Variants in TANGO6 observed in about 807,000 individuals in gnomAD.
The protein encoded by TANGO6 is transport and Golgi organization protein 6 homolog.
TANGO6 carries 90 observed loss-of-function variants against 114.2 expected under a neutral mutation model. The ratio of observed to expected loss-of-function variants is 0.79; its 90% CI spans 0.66 to 0.94. TANGO6 has a LOEUF of 0.94. Ranked by LOEUF, TANGO6 falls within the 40% of genes least tolerant of loss-of-function variation. The pLI is 0.00. For synonymous variants in TANGO6, 477 were observed against 509.8 expected (o/e 0.94, Z 0.87); for missense variants, 1,274 against 1,315.3 (o/e 0.97, Z 0.49).
chr16:69,056,997 CTTTTTTTTTTTTTTTTTTT>C (rs71148961), intron 17 of TANGO6, among the ~76,000 whole-genome samples: 1 of 59,822 alleles, frequency 1.7e-5, no homozygotes, highest in South Asian at 7.3e-4. Flanking sequence ...GCCTGATTTT[CTTTTTTTTTTTTTTTTTTT>C]TTTTTTTTTT....
At position 68,863,064 on chromosome 16, in the gene TANGO6, A is replaced by T. The variant is rs371954227; in HGVS notation, c.852+3A>T. ...TCCTCCAGGGAGGACCACCCCAGGT[A>T]CTCAGGCCTAGGGACTCTTGGGGGT... On this transcript the variant is annotated splice_donor_region_variant and intron_variant, in intron 3 of 17. Transcript: ENST00000261778. 5 of 1,537,526 alleles carry T rather than the reference A, an allele frequency of 3.3e-6. No homozygotes were observed. The highest frequency in any genetic ancestry group is 1.4e-5 in the African/African-American group (1 of 72,936).
At chr16:68,882,421 T>A (rs867041351) in intron 7 of TANGO6, among the ~76,000 whole-genome samples, 1 of 150,956 alleles carries the variant, frequency 6.6e-6, no homozygotes, top group Non-Finnish European at 1.5e-5. Context: ...GGCGTGAACC[T>A]GGAAGGCAGA....
At chr16:69,062,948 C>G (rs185803913) in intron 17 of TANGO6, among the ~76,000 whole-genome samples, 67 of 151,806 alleles carry the variant, frequency 4.4e-4, no homozygotes, top group Non-Finnish European at 7.1e-4. Context: ...AAAAACTTGG[C>G]TGGGCGCAGT....
intron 17 of TANGO6, among the ~76,000 whole-genome samples, chr16:69,078,991 G>A (rs920812997): frequency 5.3e-5 from 8 of 150,120 alleles, no homozygotes; most frequent in East Asian, 4.1e-4. Flanking sequence ...TGATCTGCCC[G>A]TCTCGGCTAC....
chr16:68,882,307 T>G (rs1325363102), intron 7 of TANGO6, among the ~76,000 whole-genome samples: 2 of 151,790 alleles, frequency 1.3e-5, no homozygotes, highest in Non-Finnish European at 2.9e-5. Context: ...CCATCCTGGC[T>G]AACATGGTGA....
At chr16:68,930,912 C>G (rs1963231093) in intron 14 of TANGO6, among the ~76,000 whole-genome samples, 1 of 152,226 alleles carries the variant, frequency 6.6e-6, no homozygotes, top group Non-Finnish European at 1.5e-5. Flanking sequence ...GCTGGGATTA[C>G]AGGCGTGAGC....
chr16:69,026,754 A>C (rs1959508418), intron 16 of TANGO6: 2 of 153,046 alleles, frequency 1.3e-5, no homozygotes, highest in African/African-American at 4.8e-5. Flanking sequence ...TCTGTCACCT[A>C]GGCTGGAGTG....
intron 15 of TANGO6, among the ~76,000 whole-genome samples, chr16:69,013,348 C>T (rs1959229009): frequency 6.6e-6 from 1 of 152,086 alleles, no homozygotes; most frequent in Non-Finnish European, 1.5e-5. Flanking sequence ...CAGTGGCTCA[C>T]ACCTGTAATC....
intron 14 of TANGO6, among the ~76,000 whole-genome samples, chr16:68,945,959 A>G (rs1028226491): frequency 1.3e-5 from 2 of 152,196 alleles, no homozygotes; most frequent in Non-Finnish European, 2.9e-5. Context: ...TGCTAGGATT[A>G]TAGGCGTGAG....
intron 7 of TANGO6, among the ~76,000 whole-genome samples, chr16:68,881,153 C>G (rs1962456494): frequency 6.6e-6 from 1 of 152,192 alleles, no homozygotes; most frequent in African/African-American, 2.4e-5. Context: ...ATCATTTATT[C>G]TAAATGTTGA....
At chr16:68,890,731 A>G (rs1199992343) in intron 7 of TANGO6, among the ~76,000 whole-genome samples, 1 of 151,852 alleles carries the variant, frequency 6.6e-6, no homozygotes, top group East Asian at 1.9e-4. Flanking sequence ...CTAAAAATGC[A>G]AAAATTAGGC....
At chr16:68,890,736 T>C (rs1962601447) in intron 7 of TANGO6, among the ~76,000 whole-genome samples, 1 of 151,242 alleles carries the variant, frequency 6.6e-6, no homozygotes, top group Non-Finnish European at 1.5e-5. Flanking sequence ...AATGCAAAAA[T>C]TAGGCCAGGC....
intron 9 of TANGO6, among the ~76,000 whole-genome samples, chr16:68,903,800 T>C (rs568885386): frequency 6.6e-6 from 1 of 151,740 alleles, no homozygotes; most frequent in Non-Finnish European, 1.5e-5. Context: ...CTGGCGCCTG[T>C]AGTCACAGCT....
At chr16:68,884,807 A>G (rs964467578) in intron 7 of TANGO6, among the ~76,000 whole-genome samples, 6 of 152,188 alleles carry the variant, frequency 3.9e-5, no homozygotes, top group African/African-American at 1.4e-4. Flanking sequence ...CATTTCTCCT[A>G]TTCTTGGTCC....
intron 10 of TANGO6, among the ~76,000 whole-genome samples, 153 bp from the exon 11 acceptor site, chr16:68,909,058 T>C (rs1962888437): frequency 6.6e-6 from 1 of 152,238 alleles, no homozygotes; most frequent in South Asian, 2.1e-4. Flanking sequence ...ACATTTAGCT[T>C]GTCTCCAAGT....
At chr16:69,048,258 A>ATTTTTT (rs71383949) in intron 17 of TANGO6, among the ~76,000 whole-genome samples, 41 of 111,642 alleles carry the variant, frequency 3.7e-4, no homozygotes, top group African/African-American at 8.2e-4. Flanking sequence ...AATTTTTTGT[A>ATTTTTT]TTTTTTTTTT....
intron 15 of TANGO6, among the ~76,000 whole-genome samples, chr16:68,978,158 A>C (rs1243711697): frequency 1.3e-5 from 2 of 152,196 alleles, no homozygotes; most frequent in African/African-American, 4.8e-5. Flanking sequence ...AGCTGAGAAG[A>C]ATATAAACCA....
intron 13 of TANGO6, among the ~76,000 whole-genome samples, chr16:68,929,223 A>G (rs146725874): frequency 2.8e-4 from 42 of 152,290 alleles, no homozygotes; most frequent in African/African-American, 9.6e-4. Flanking sequence ...CTGGCCTTAA[A>G]TATCCTTTTA....
chr16:69,044,006 T>G (rs923651592), intron 17 of TANGO6, among the ~76,000 whole-genome samples: 5 of 152,204 alleles, frequency 3.3e-5, no homozygotes, highest in Non-Finnish European at 7.3e-5. Flanking sequence ...CTCTTTCCCA[T>G]TTGAATGTAG....
Sources: gnomAD v4.1 joint callset for allele counts (sites outside exome capture counted in the v4.1 genomes callset) on GRCh38, gnomAD v4.1.1 for gene constraint, MANE v1.5 for transcripts, NCBI Gene and HGNC (gene_info 2026-07-23, HGNC 2026-07-21) for gene names.